ANKHD1: variants seen among roughly 807,000 people sequenced by gnomAD.
ANKHD1 encodes the protein ankyrin repeat and KH domain-containing protein 1.
In ANKHD1, 31 loss-of-function variants were observed where a neutral mutation model predicts 230.5. The ratio of observed to expected loss-of-function variants is 0.13; its 90% CI spans 0.10 to 0.18. The LOEUF (loss-of-function observed/expected upper bound fraction) is 0.18, where lower values mean the gene tolerates loss of function less well. Ranked by LOEUF, ANKHD1 falls within the 10% of genes least tolerant of loss-of-function variation. ANKHD1 has a pLI of 1.00. For missense variants in ANKHD1, 2,256 were observed against 3,071.3 expected (o/e 0.73, Z 6.27); for synonymous variants, 1,074 against 1,117.6 (o/e 0.96, Z 0.78).
intron 1 of ANKHD1, among the ~76,000 whole-genome samples, chr5:140,429,203 C>T (rs1344409859): frequency 1.3e-5 from 2 of 151,376 alleles, no homozygotes; most frequent in Non-Finnish European, 2.9e-5. Context: ...AAGCAATTCT[C>T]CTGCCTCAGC....
At chr5:140,403,927 T>G (rs1770201793) in intron 1 of ANKHD1, among the ~76,000 whole-genome samples, 1 of 152,204 alleles carries the variant, frequency 6.6e-6, no homozygotes, top group African/African-American at 2.4e-5. Context: ...TGTCTTATCA[T>G]TCTAGGTCTG....
Position 140,453,257 on chromosome 5 carries a change from G to A in ANKHD1, c.1242+3952G>A, listed in dbSNP as rs534834271. ...TCTGATTGGTGTACCTGAAAGTGAC[G>A]GGGAGAATGGAACCAAGTTGGAATA... On this transcript the variant is annotated intron_variant, in intron 7 of 33. Transcript: ENST00000360839. 1.3e-4 allele frequency among the ~76,000 whole-genome samples: 20 copies of A among 152,270 alleles called. No individual in the cohort carries two copies. The South Asian group carries it at 1.7e-3, about 13-fold the overall frequency.
Position 140,401,860 on chromosome 5 carries a change from C to CG in ANKHD1, c.-103dup, listed in dbSNP as rs1218423002. 7.1e-7 allele frequency: 1 copy of CG among 1,412,636 alleles called. No homozygotes were observed. Among genetic ancestry groups the CG allele is most frequent in the Non-Finnish European group, 9.2e-7 (1 of 1,086,400 alleles). The allele number at this position is 1,412,636 out of a possible 1,614,324, so 87.5% of individuals were successfully genotyped here. A position where few individuals can be genotyped will look rare whatever the true frequency, so the allele number is the denominator to read the frequency against. ...TGAGAAGTTAGTGGCGCTGCTGGGA[C>CG]GGGGGAAAGGAGACGCTTCTTCCTC... On this transcript the variant is annotated 5_prime_UTR_variant, in exon 1 of 34. Coordinates refer to ENST00000360839, the MANE Select transcript of ANKHD1 (RefSeq NM_017747.3).
In ANKHD1 at chr5:140,485,477, ATGTT is replaced by A. The variant is rs1751467947; in HGVS notation, c.1999-109_1999-106del. The A allele has an allele frequency of 1.4e-6, 2 of 1,402,972 alleles. No individual in the cohort carries two copies. The highest frequency in any genetic ancestry group is 1.9e-6 in the Non-Finnish European group (2 of 1,054,374). 86.9% of individuals were successfully genotyped at this position (1,402,972 alleles called of 1,614,324 possible). A position where few individuals can be genotyped will look rare whatever the true frequency, so the allele number is the denominator to read the frequency against. ...ATAATATGTGTATAGTTATAAAAATATGTTTGATCTATCTTAGTGCTTAGTATTT... is the reference window on the plus strand; with the variant it reads ...ATAATATGTGTATAGTTATAAAAATATGATCTATCTTAGTGCTTAGTATTT... On this transcript the variant is annotated intron_variant, in intron 12 of 33. Transcript: ENST00000360839. This position sits in a 1 kb window ranked among gnomAD's most constrained non-coding sequence, Gnocchi z 4.8.
intron 1 of ANKHD1, among the ~76,000 whole-genome samples, chr5:140,434,942 G>T (rs1406264986): frequency 6.6e-6 from 1 of 152,014 alleles, no homozygotes; most frequent in East Asian, 1.9e-4. Flanking sequence ...TCCCAGAAGG[G>T]TTGTATATAT....
chr5:140,440,089 C>T lies in ANKHD1; in HGVS notation c.618-30C>T, dbSNP rs115702102. On this transcript the variant is annotated intron_variant, in intron 3 of 33. Transcript: ENST00000360839. ...ATAGGACCCCCGAGTCTTTTTGTTT[C>T]GGTTAATTGTTGAATGGTTTTGTTT... is the stretch of plus-strand genomic sequence containing the variant. 1.4e-3 allele frequency: 2,062 copies of T among 1,520,644 alleles called. 25 individuals carry two copies. In the African/African-American group the frequency reaches 0.026, roughly 19 times the overall value. 94.2% of individuals were successfully genotyped at this position (1,520,644 alleles called of 1,614,324 possible). A position where few individuals can be genotyped will look rare whatever the true frequency, so the allele number is the denominator to read the frequency against.
At chr5:140,536,405 T>G (rs1754078182) in intron 30 of ANKHD1, among the ~76,000 whole-genome samples, 1 of 152,246 alleles carries the variant, frequency 6.6e-6, no homozygotes, top group African/African-American at 2.4e-5. Flanking sequence ...TTTGTTCTAT[T>G]TATTTCAATG....
intron 7 of ANKHD1, among the ~76,000 whole-genome samples, chr5:140,457,531 A>G (rs1775295773): frequency 6.6e-6 from 1 of 152,222 alleles, no homozygotes; most frequent in Non-Finnish European, 1.5e-5. Flanking sequence ...GCCATAAAAA[A>G]GGATGAGTTC....
intron 24 of ANKHD1, among the ~76,000 whole-genome samples, chr5:140,521,755 A>C (rs1019367977): frequency 2.6e-5 from 4 of 152,192 alleles, no homozygotes; most frequent in African/African-American, 7.2e-5. Flanking sequence ...TGAAGTGGGC[A>C]GATCACCTGA....
At position 140,441,006 on chromosome 5, in the gene ANKHD1, T is replaced by C; in HGVS notation, c.777T>C (p.Ala259=). The change falls in exon 5 of 34, where the codon GCT becomes GCC. Residue 259 remains alanine (A), a synonymous_variant. Coordinates refer to ENST00000360839, the MANE Select transcript of ANKHD1 (RefSeq NM_017747.3). ...GYYELAQVLL[A]MHANVEDRGN... ...TATGTGTTTTAAAGGTATTGCTTGCTATGCATGCTAATGTTGAAGATCGAG... is the reference window on the plus strand; with the variant it reads ...TATGTGTTTTAAAGGTATTGCTTGCCATGCATGCTAATGTTGAAGATCGAG... The C allele has an allele frequency of 3.7e-6, 6 of 1,604,660 alleles. No homozygotes were observed. Among genetic ancestry groups the C allele is most frequent in the Non-Finnish European group, 5.1e-6 (6 of 1,177,020 alleles).
At chr5:140,483,168 T>G (rs1751358946) in intron 11 of ANKHD1, among the ~76,000 whole-genome samples, 1 of 152,198 alleles carries the variant, frequency 6.6e-6, no homozygotes, top group African/African-American at 2.4e-5. Flanking sequence ...GACTGTTTAC[T>G]GCAGTAAAAT....
rs1489458012 is a variant in ANKHD1, at chr5:140,485,310, A to C, written c.1998+62A>C. The C allele has an allele frequency of 5.8e-6, 9 of 1,541,490 alleles. No individual in the cohort carries two copies. The highest frequency in any genetic ancestry group is 7.9e-6 in the Non-Finnish European group (9 of 1,138,478). ...GGTGGCTCATGTCTATGATCCCAGC[A>C]CTTTAGAAAGCTGAGGCGGGTGGAT... On this transcript the variant is annotated intron_variant, in intron 12 of 33. Coordinates refer to ENST00000360839, the MANE Select transcript of ANKHD1 (RefSeq NM_017747.3). The surrounding 1 kb of genome is among the most constrained non-coding windows in gnomAD (Gnocchi z 4.8).
chr5:140,427,045 C>T (rs1435938854), intron 1 of ANKHD1, among the ~76,000 whole-genome samples: 62 of 152,288 alleles, frequency 4.1e-4, no homozygotes, highest in Non-Finnish European at 6.8e-4. Context: ...ACCTCCCAGA[C>T]GGGGTGGTGG....
Position 140,470,346 on chromosome 5 carries a change from T to A in ANKHD1, c.1782+5570T>A, listed in dbSNP as rs866122259. Among the ~76,000 whole-genome samples, 380 of 141,974 alleles carry A rather than the reference T, an allele frequency of 2.7e-3. 2 individuals carry two copies. The highest frequency in any genetic ancestry group is 7.2e-3 in the Middle Eastern group (2 of 276). 93.1% of individuals were successfully genotyped at this position (141,974 alleles called of 152,430 possible). On this transcript the variant is annotated intron_variant, in intron 10 of 33. Transcript: ENST00000360839. The stretch of plus-strand genomic sequence containing the variant: ...TTGTCATAGTATTTAATTTTTAAAA[T>A]TTTTTTTTTTTTTAGTGGTGACCGT...
chr5:140,517,682 G>A (rs1384066649), intron 24 of ANKHD1, among the ~76,000 whole-genome samples: 446 of 127,944 alleles, frequency 3.5e-3, no homozygotes, highest in African/African-American at 4.4e-3. Context: ...ACCTGCTCCT[G>A]AATGACTACT....
Position 140,464,770 on chromosome 5 carries a change from T to A in ANKHD1, c.1776T>A (p.Ala592=). The change falls in exon 10 of 34, where the codon GCT becomes GCA. Residue 592 remains alanine, a synonymous_variant. Coordinates refer to ENST00000360839, the MANE Select transcript of ANKHD1 (RefSeq NM_017747.3). The part of the protein sequence containing the change: ...DVADVLLQAG[A]DLEHESEGGR... ...CAGATGTTTTACTTCAAGCAGGGGC[T>A]GATTTAGTAAGATATTTTTAATTTC... 6.3e-7 allele frequency: 1 copy of A among 1,597,744 alleles called. No homozygotes were observed. Among genetic ancestry groups the A allele is most frequent in the Non-Finnish European group, 8.6e-7 (1 of 1,168,880 alleles).
intron 1 of ANKHD1, among the ~76,000 whole-genome samples, chr5:140,421,354 G>T (rs1316909332): frequency 2.8e-5 from 4 of 142,540 alleles, no homozygotes; most frequent in Non-Finnish European, 4.5e-5. Flanking sequence ...AGGCTGGCGT[G>T]CAGTGGCGTG....
In ANKHD1 at chr5:140,507,149, G is replaced by A. The variant is rs1752574452; in HGVS notation, c.3551+172G>A. On this transcript the variant is annotated intron_variant, in intron 19 of 33. Transcript: ENST00000360839. This position sits in a 1 kb window ranked among gnomAD's most constrained non-coding sequence, Gnocchi z 4.1. ...TTATAAGTAATCTCAGCTTATTTCA[G>A]TAATGTGGCTGCTTATAAAGAGGTC... Among the ~76,000 whole-genome samples, 1 of 152,138 alleles carries A rather than the reference G, an allele frequency of 6.6e-6. No homozygotes were observed. Among genetic ancestry groups the A allele is most frequent in the South Asian group, 2.1e-4 (1 of 4,826 alleles).
At chr5:140,419,309 G>T (rs201924411) in intron 1 of ANKHD1, among the ~76,000 whole-genome samples, 20 of 150,740 alleles carry the variant, frequency 1.3e-4, no homozygotes, top group African/African-American at 4.6e-4. Context: ...TGTTGATTGG[G>T]TTTTTTTTAT....
Sources: gnomAD v4.1 joint callset for allele counts (sites outside exome capture counted in the v4.1 genomes callset) on GRCh38, gnomAD v4.1.1 for gene constraint, Gnocchi (gnomAD v3.1) non-coding constraint, MANE v1.5 for transcripts, NCBI Gene and HGNC (gene_info 2026-07-23, HGNC 2026-07-21) for gene names.